NRXN3: variants seen among roughly 807,000 people sequenced by gnomAD.
The protein encoded by NRXN3 is neurexin 3.
In NRXN3, 32 loss-of-function variants were observed where a neutral mutation model predicts 137.6. That is an observed-to-expected ratio of 0.23 (90% CI 0.18 to 0.31). NRXN3 has a LOEUF of 0.31. Ranked by LOEUF, NRXN3 falls within the 10% of genes least tolerant of loss-of-function variation. The pLI, the probability that NRXN3 is intolerant of heterozygous loss-of-function variation, is 1.00. For synonymous variants in NRXN3, 798 were observed against 784.5 expected (o/e 1.02, Z -0.29); for missense variants, 1,574 against 2,062.5 (o/e 0.76, Z 4.59).
At chr14:78,244,160 T>G (rs1596314540) in intron 2 of NRXN3, among the ~76,000 whole-genome samples, 2 of 152,128 alleles carry the variant, frequency 1.3e-5, no homozygotes, top group South Asian at 4.1e-4. Flanking sequence ...CTAGGCAAGG[T>G]GGCTCACACC....
At chr14:79,001,158 A>G (rs1183744136) in intron 15 of NRXN3, among the ~76,000 whole-genome samples, 1 of 152,152 alleles carries the variant, frequency 6.6e-6, no homozygotes, top group African/African-American at 2.4e-5. Context: ...GGAAGCCAGG[A>G]AGGAGTAAGT....
chr14:78,613,368 A>T (rs1314586132), intron 4 of NRXN3, among the ~76,000 whole-genome samples: 1 of 152,176 alleles, frequency 6.6e-6, no homozygotes, highest in African/African-American at 2.4e-5. Context: ...ATAAATTTTA[A>T]AATTAGATTT....
chr14:78,568,178 C>T (rs1260460099), intron 4 of NRXN3, among the ~76,000 whole-genome samples: 1 of 152,168 alleles, frequency 6.6e-6, no homozygotes, highest in African/African-American at 2.4e-5. Context: ...CTCAGATTTA[C>T]ATGTTGAAAC....
intron 15 of NRXN3, among the ~76,000 whole-genome samples, chr14:79,030,904 T>C (rs1226340138): frequency 6.6e-6 from 1 of 152,096 alleles, no homozygotes; most frequent in Non-Finnish European, 1.5e-5. Context: ...AGCTTGTCTT[T>C]TGGACTGCCT....
chr14:78,484,686 G>T (rs1049253782), intron 4 of NRXN3, among the ~76,000 whole-genome samples: 6 of 152,128 alleles, frequency 3.9e-5, no homozygotes, highest in Non-Finnish European at 8.8e-5. Flanking sequence ...GGAGGTAAAA[G>T]GTTTAGCCAC....
At chr14:78,209,156 A>G (rs1164941675) in intron 1 of NRXN3, among the ~76,000 whole-genome samples, 1 of 152,194 alleles carries the variant, frequency 6.6e-6, no homozygotes, top group Non-Finnish European at 1.5e-5. Flanking sequence ...GGTGGTGTGC[A>G]GCAAGGTGTG....
At chr14:79,756,331 G>A (rs2099019429) in intron 19 of NRXN3, among the ~76,000 whole-genome samples, 1 of 152,056 alleles carries the variant, frequency 6.6e-6, no homozygotes, top group Non-Finnish European at 1.5e-5. Flanking sequence ...AATCAGAAAT[G>A]GGTCATCTTG....
chr14:79,723,505 G>A (rs1317843598), intron 19 of NRXN3, among the ~76,000 whole-genome samples: 4 of 152,042 alleles, frequency 2.6e-5, no homozygotes, highest in African/African-American at 4.8e-5. Flanking sequence ...CATGAAATTC[G>A]AGTCTGTGCT....
chr14:79,402,328 T>A (rs1383261392), intron 15 of NRXN3, among the ~76,000 whole-genome samples: 1 of 152,354 alleles, frequency 6.6e-6, no homozygotes, highest in East Asian at 1.9e-4. Context: ...TAGATGATTT[T>A]TTAACTTAAA....
intron 10 of NRXN3, among the ~76,000 whole-genome samples, chr14:78,888,028 C>A (rs1032571681): frequency 1.4e-4 from 22 of 151,990 alleles, no homozygotes; most frequent in African/African-American, 4.8e-4. Context: ...TTTTGGCATT[C>A]GGGAGTGGCA....
At chr14:79,741,874 T>A (rs964469231) in intron 19 of NRXN3, among the ~76,000 whole-genome samples, 7 of 152,180 alleles carry the variant, frequency 4.6e-5, no homozygotes, top group Non-Finnish European at 1.0e-4. Flanking sequence ...AGTGTGCTTA[T>A]ATGTATATAC....
At chr14:79,229,194 G>A (rs962361952) in intron 15 of NRXN3, among the ~76,000 whole-genome samples, 1 of 152,022 alleles carries the variant, frequency 6.6e-6, no homozygotes, top group African/African-American at 2.4e-5. Context: ...TTCATTAAGA[G>A]GTCATCTAAA....
chr14:78,492,485 A>G (rs541100226), intron 4 of NRXN3, among the ~76,000 whole-genome samples: 45 of 152,338 alleles, frequency 3.0e-4, no homozygotes, highest in African/African-American at 9.1e-4. Context: ...AGCATTTTAA[A>G]AAGCACTAGG....
At chr14:78,282,105 C>G (rs1420584889) in intron 3 of NRXN3, 1 of 496,878 alleles carries the variant, frequency 2.0e-6, no homozygotes, top group South Asian at 1.5e-5. Flanking sequence ...AAGGACCTAT[C>G]CAAGGCCATG....
intron 14 of NRXN3, among the ~76,000 whole-genome samples, chr14:78,973,783 C>T (rs952624981): frequency 1.3e-5 from 2 of 152,114 alleles, no homozygotes; most frequent in African/African-American, 2.4e-5. Context: ...GGCTGATTGT[C>T]AAGCAGGAGA....
intron 4 of NRXN3, among the ~76,000 whole-genome samples, chr14:78,414,149 G>A (rs1000613307): frequency 9.2e-5 from 14 of 152,012 alleles, no homozygotes; most frequent in Middle Eastern, 3.2e-3. Flanking sequence ...TCTTGGGTAC[G>A]TCTTTATTAG....
At chr14:78,224,408 A>G (rs2064233753) in intron 1 of NRXN3, among the ~76,000 whole-genome samples, 1 of 151,942 alleles carries the variant, frequency 6.6e-6, no homozygotes, top group Non-Finnish European at 1.5e-5. Context: ...TATATCTCCT[A>G]ATGCTATCCC....
chr14:79,559,686 C>T (rs1476126335), intron 16 of NRXN3, among the ~76,000 whole-genome samples: 1 of 152,046 alleles, frequency 6.6e-6, no homozygotes, highest in Admixed American at 6.6e-5. Context: ...TTAGATTTGC[C>T]TAACTTAAGG....
At chr14:78,348,076 C>A (rs144639471) in intron 4 of NRXN3, among the ~76,000 whole-genome samples, 1 of 152,052 alleles carries the variant, frequency 6.6e-6, no homozygotes, top group Non-Finnish European at 1.5e-5. Flanking sequence ...CTAGGAAAAA[C>A]GTGTCGGAAG....
Sources: allele counts gnomAD v4.1 joint callset (sites outside exome capture counted in the v4.1 genomes callset), GRCh38; gene constraint gnomAD v4.1.1; transcripts MANE v1.5; gene names NCBI Gene and HGNC (gene_info 2026-07-23, HGNC 2026-07-21).